Variants in THSD7B observed in about 807,000 individuals in gnomAD.
The protein encoded by THSD7B is thrombospondin type 1 domain containing 7B, also known as thrombospondin type-1 domain-containing protein 7B.
A neutral mutation model predicts 213.6 loss-of-function variants in THSD7B; 138 were observed. The observed-to-expected ratio is 0.65, with a 90% CI of 0.56 to 0.74. The LOEUF (loss-of-function observed/expected upper bound fraction) is 0.74. Among genes scored for constraint, THSD7B ranks in the 30% least tolerant of loss-of-function variants. The pLI is 0.00. For missense variants in THSD7B, 1,931 were observed against 1,991.5 expected (o/e 0.97, Z 0.58); for synonymous variants, 742 against 687.0 (o/e 1.08, Z -1.25).
intron 12 of THSD7B, among the ~76,000 whole-genome samples, chr2:137,322,778 C>T (rs556717215): frequency 5.8e-4 from 88 of 152,284 alleles, no homozygotes; most frequent in African/African-American, 2.1e-3. Flanking sequence ...CCGTAGAATA[C>T]TCTCTAATCC....
At chr2:137,573,125 G>A (rs1265167333) in intron 17 of THSD7B, among the ~76,000 whole-genome samples, 1 of 150,844 alleles carries the variant, frequency 6.6e-6, no homozygotes, top group Non-Finnish European at 1.5e-5. Flanking sequence ...TAAAAAATTG[G>A]AAGCACAACA....
At position 137,570,389 on chromosome 2, in the gene THSD7B, A is replaced by G. The variant is rs1027716170; in HGVS notation, c.3273-2017A>G. Among the ~76,000 whole-genome samples the G allele has an allele frequency of 7.9e-5, 12 of 151,948 alleles. No individual in the cohort carries two copies. The South Asian group carries it at 2.5e-3, about 32-fold the overall frequency. Reference sequence around the variant, plus strand: ...AGTGGCGTGATCTCGGCTCACTGCAAACTCAGCCTCCCGGGTTCACGCCAT... The same window carrying G: ...AGTGGCGTGATCTCGGCTCACTGCAGACTCAGCCTCCCGGGTTCACGCCAT... On this transcript the variant is annotated intron_variant, in intron 16 of 27. Transcript: ENST00000409968.
chr2:137,673,711 T>A (rs1185981587), intron 27 of THSD7B, among the ~76,000 whole-genome samples: 1 of 152,188 alleles, frequency 6.6e-6, no homozygotes, highest in East Asian at 1.9e-4. Context: ...CTGAGGTTCT[T>A]TTTTACTGGC....
chr2:136,842,878 G>T (rs141095374), intron 1 of THSD7B, among the ~76,000 whole-genome samples: 55 of 152,196 alleles, frequency 3.6e-4, no homozygotes, highest in African/African-American at 1.1e-3. Flanking sequence ...TTTGTTTTAG[G>T]AATTGAACAA....
chr2:137,102,574 G>A (rs1163979113), intron 4 of THSD7B, among the ~76,000 whole-genome samples: 1 of 152,086 alleles, frequency 6.6e-6, no homozygotes, highest in Non-Finnish European at 1.5e-5. Context: ...CAGAAGATGG[G>A]TAATAACAAA....
At chr2:137,197,785 G>A (rs1680795378) in intron 7 of THSD7B, among the ~76,000 whole-genome samples, 1 of 152,196 alleles carries the variant, frequency 6.6e-6, no homozygotes. Flanking sequence ...TGTTCAGAGA[G>A]TGTAGTCCAT....
chr2:137,050,214 T>A (rs1318225712), intron 2 of THSD7B, among the ~76,000 whole-genome samples: 1 of 152,216 alleles, frequency 6.6e-6, no homozygotes, highest in Non-Finnish European at 1.5e-5. Context: ...TGAGAGTCTT[T>A]TTTTAGGCTT....
chr2:136,873,309 T>C (rs1406334130), intron 1 of THSD7B, among the ~76,000 whole-genome samples: 4 of 152,206 alleles, frequency 2.6e-5, no homozygotes, highest in Admixed American at 1.3e-4. Flanking sequence ...TGCATTCCCA[T>C]GCCACATTCT....
At chr2:137,108,351 A>G (rs1263117825) in intron 4 of THSD7B, among the ~76,000 whole-genome samples, 1 of 152,224 alleles carries the variant, frequency 6.6e-6, no homozygotes, top group African/African-American at 2.4e-5. Flanking sequence ...CTATTTTAAG[A>G]ATAGTTTCTT....
At chr2:136,779,389 T>C (rs935795054) in intron 1 of THSD7B, among the ~76,000 whole-genome samples, 1 of 152,156 alleles carries the variant, frequency 6.6e-6, no homozygotes, top group Non-Finnish European at 1.5e-5. Flanking sequence ...TGTGTGGCAT[T>C]AGTGTAAATA....
At chr2:136,901,521 T>C (rs931416699) in intron 2 of THSD7B, among the ~76,000 whole-genome samples, 6 of 152,232 alleles carry the variant, frequency 3.9e-5, no homozygotes, top group Admixed American at 6.5e-5. Flanking sequence ...AGGATGCTAA[T>C]GAGATGAATG....
At position 137,160,293 on chromosome 2, in the gene THSD7B, G is replaced by A; in HGVS notation, c.1450G>A (p.Asp484Asn). The A allele has an allele frequency of 3.1e-6, 5 of 1,613,682 alleles. No homozygotes were observed. Among genetic ancestry groups the A allele is most frequent in the East Asian group, 2.2e-5 (1 of 44,832 alleles). The change falls in exon 6 of 28, where the codon GAC (aspartate) becomes AAC (asparagine). Residue 484 changes from aspartate (D) to asparagine (N), a missense_variant. Coordinates refer to ENST00000409968, the MANE Select transcript of THSD7B (RefSeq NM_001316349.2). ...SQLCNIPCST[D>N]CIVSSWSAWG... ...GCTCTGCAATATCCCTTGCTCTACGGACTGCATAGTATCTTCCTGGTCAGC... is the reference window on the plus strand; with the variant it reads ...GCTCTGCAATATCCCTTGCTCTACGAACTGCATAGTATCTTCCTGGTCAGC...
chr2:137,487,043 A>G (rs1397660433), intron 15 of THSD7B, among the ~76,000 whole-genome samples: 1 of 151,794 alleles, frequency 6.6e-6, no homozygotes, highest in Non-Finnish European at 1.5e-5. Flanking sequence ...AGAAAGCAGA[A>G]AAGATCCAAA....
chr2:137,474,186 C>T (rs567864356), intron 15 of THSD7B, among the ~76,000 whole-genome samples: 79 of 152,252 alleles, frequency 5.2e-4, no homozygotes, highest in African/African-American at 1.8e-3. Context: ...TCTATGTAAA[C>T]ACTGCTTTCA....
At chr2:137,396,078 C>A (rs556928609) in intron 12 of THSD7B, among the ~76,000 whole-genome samples, 2 of 150,882 alleles carry the variant, frequency 1.3e-5, no homozygotes, top group Admixed American at 1.3e-4. Context: ...GTCTTGCTAG[C>A]GGTCTATCAA....
At position 137,056,906 on chromosome 2, in the gene THSD7B, C is replaced by A; in HGVS notation, c.626C>A (p.Pro209His). ...LQHRTRAVIAPPLFGGLQCPN... is the reference protein window; with the variant it reads ...LQHRTRAVIAHPLFGGLQCPN... ...CATAGAACTCGCGCGGTCATAGCTC[C>A]CCCTCTCTTTGGTGGTTTGCAATGT... is the stretch of plus-strand genomic sequence containing the variant. Residue 209 changes from proline (P) to histidine (H), a missense_variant, in exon 3 of 28, where the codon CCC becomes CAC. Coordinates refer to ENST00000409968, the MANE Select transcript of THSD7B (RefSeq NM_001316349.2). 2 of 1,613,822 alleles carry A rather than the reference C, an allele frequency of 1.2e-6. No homozygotes were observed. Among genetic ancestry groups the A allele is most frequent in the Non-Finnish European group, 1.7e-6 (2 of 1,179,852 alleles).
At chr2:137,463,129 A>C (rs755547878) in intron 15 of THSD7B, among the ~76,000 whole-genome samples, 1 of 152,124 alleles carries the variant, frequency 6.6e-6, no homozygotes, top group Non-Finnish European at 1.5e-5. Context: ...CATTCCTTCT[A>C]CATTGGATTT....
chr2:137,666,111 A>G (rs1157068428), intron 26 of THSD7B, among the ~76,000 whole-genome samples: 3 of 152,016 alleles, frequency 2.0e-5, no homozygotes, highest in Admixed American at 6.6e-5. Flanking sequence ...ATCTTTTTTT[A>G]TGTTCTTACA....
rs568164401 is a variant in THSD7B at position 136,828,871 on chromosome 2, C to A, written c.-35-53273C>A. Among the ~76,000 whole-genome samples, 71 of 152,278 alleles carry A rather than the reference C, an allele frequency of 4.7e-4. 1 individual carries two copies. Among genetic ancestry groups the A allele is most frequent in the Non-Finnish European group, 8.2e-4 (56 of 68,026 alleles). Reference sequence around the variant, plus strand: ...TCTCACATAGCAACATGGTCTTCTCCTGTCAATGCCTGTCTTCTGCTAAAC... The same window carrying A: ...TCTCACATAGCAACATGGTCTTCTCATGTCAATGCCTGTCTTCTGCTAAAC... On this transcript the variant is annotated intron_variant, in intron 1 of 27. Coordinates refer to ENST00000409968, the MANE Select transcript of THSD7B (RefSeq NM_001316349.2).
Sources: gnomAD v4.1 joint callset for allele counts (sites outside exome capture counted in the v4.1 genomes callset) on GRCh38, gnomAD v4.1.1 for gene constraint, MANE v1.5 for transcripts, NCBI Gene and HGNC (gene_info 2026-07-23, HGNC 2026-07-21) for gene names.